The following GABRA2 variants were observed in gnomAD, a reference collection of about 807,000 sequenced individuals.
GABRA2 encodes gamma-aminobutyric acid type A receptor subunit alpha2.
Under a neutral mutation model 48.7 loss-of-function variants are expected in GABRA2, and 16 were observed. The observed-to-expected ratio is 0.33, with a 90% CI of 0.22 to 0.50. The LOEUF (loss-of-function observed/expected upper bound fraction) is 0.50, where lower values mean the gene tolerates loss of function less well. Among genes scored for constraint, GABRA2 ranks in the 20% least tolerant of loss-of-function variants. The pLI, the probability that GABRA2 is intolerant of heterozygous loss-of-function variation, is 0.98. For missense variants in GABRA2, 275 were observed against 535.6 expected, an observed-to-expected ratio of 0.51 and a Z score of 4.80; for synonymous variants, 185 against 184.5, an observed-to-expected ratio of 1.00 and a Z score of -0.02.
chr4:46,330,570 A>T (rs936482531), intron 4 of GABRA2, among the ~76,000 whole-genome samples: 1 of 24,780 alleles, frequency 4.0e-5, no homozygotes. Flanking sequence ...ATGCATATAT[A>T]TATATATATA....
chr4:46,276,055 G>A (rs966121640), intron 8 of GABRA2, among the ~76,000 whole-genome samples: 7 of 151,950 alleles, frequency 4.6e-5, no homozygotes, highest in African/African-American at 1.7e-4. Context: ...ATTTCTTAAA[G>A]CTTAAATGAA....
intron 9 of GABRA2, among the ~76,000 whole-genome samples, chr4:46,257,306 G>T (rs1485530710): frequency 6.6e-6 from 1 of 151,670 alleles, no homozygotes; most frequent in Non-Finnish European, 1.5e-5. Flanking sequence ...TTGTCAGTTA[G>T]CAGCAGAAGA....
At chr4:46,373,279 G>T (rs1578206179) in intron 3 of GABRA2, among the ~76,000 whole-genome samples, 2 of 152,192 alleles carry the variant, frequency 1.3e-5, no homozygotes, top group East Asian at 3.9e-4. Context: ...AATCCTAAAT[G>T]ACCCTCCCTG....
intron 8 of GABRA2, among the ~76,000 whole-genome samples, chr4:46,269,327 T>C (rs776371987): frequency 2.6e-5 from 4 of 151,702 alleles, no homozygotes; most frequent in Non-Finnish European, 4.4e-5. Context: ...TATGTGTCAA[T>C]AGAGAATAAA....
chr4:46,271,786 C>T (rs895674754), intron 8 of GABRA2, among the ~76,000 whole-genome samples: 1 of 151,808 alleles, frequency 6.6e-6, no homozygotes, highest in Non-Finnish European at 1.5e-5. Flanking sequence ...ACTCGTATCC[C>T]TCTCCTCACT....
Position 46,248,177 on chromosome 4 carries a change from C to T in GABRA2, c.*2131G>A, listed in dbSNP as rs964506474. ...TATAAATTTATAACTTATAGTCAGA[C>T]ATTAAGGGGGCAATGCGGACTTTAC... is the stretch of plus-strand genomic sequence containing the variant. On this transcript the variant is annotated 3_prime_UTR_variant, in exon 10 of 10. Coordinates refer to ENST00000381620, the MANE Select transcript of GABRA2 (RefSeq NM_000807.4). 6.6e-6 allele frequency among the ~76,000 whole-genome samples: 1 copy of T among 151,168 alleles called. No homozygotes were observed. The highest frequency in any genetic ancestry group is 1.5e-5 in the Non-Finnish European group (1 of 67,494).
chr4:46,292,352 G>A (rs776599223), intron 8 of GABRA2, among the ~76,000 whole-genome samples: 9 of 152,050 alleles, frequency 5.9e-5, no homozygotes, highest in Non-Finnish European at 8.8e-5. Flanking sequence ...TATCATGCAA[G>A]TGGCTGACCT....
At chr4:46,388,178 A>G (rs1055413928) in intron 2 of GABRA2, among the ~76,000 whole-genome samples, 5 of 152,096 alleles carry the variant, frequency 3.3e-5, no homozygotes, top group Non-Finnish European at 5.9e-5. Context: ...AGACTCACAC[A>G]TCTTTTGGGT....
At chr4:46,263,057 T>G (rs111928280) in intron 8 of GABRA2, among the ~76,000 whole-genome samples, 1 of 22,358 alleles carries the variant, frequency 4.5e-5, no homozygotes, top group Non-Finnish European at 7.9e-5. Context: ...GAATAGAATA[T>G]AAGACAAATA....
At chr4:46,303,164 G>T in intron 8 of GABRA2, 3 of 255,332 alleles carry the variant, frequency 1.2e-5, no homozygotes, top group African/African-American at 4.6e-5. Flanking sequence ...AAAAAAAAAA[G>T]AAAATTCACC....
chr4:46,280,515 T>C (rs981548124), intron 8 of GABRA2, among the ~76,000 whole-genome samples: 1 of 152,192 alleles, frequency 6.6e-6, no homozygotes, highest in Non-Finnish European at 1.5e-5. Flanking sequence ...CTTTGGCTTT[T>C]ACTTTGAGTA....
At chr4:46,354,501 G>A (rs1735658477) in intron 3 of GABRA2, among the ~76,000 whole-genome samples, 1 of 152,098 alleles carries the variant, frequency 6.6e-6, no homozygotes, top group South Asian at 2.1e-4. Flanking sequence ...GAACAAGGGT[G>A]AATTTTAATT....
At chr4:46,345,694 A>C (rs1043470787) in intron 3 of GABRA2, among the ~76,000 whole-genome samples, 2 of 151,814 alleles carry the variant, frequency 1.3e-5, no homozygotes, top group African/African-American at 4.8e-5. Context: ...TCCCTCTTCT[A>C]GTCCCTCCTG....
intron 8 of GABRA2, among the ~76,000 whole-genome samples, chr4:46,294,339 G>C (rs1724237488): frequency 6.6e-6 from 1 of 152,120 alleles, no homozygotes; most frequent in Non-Finnish European, 1.5e-5. Context: ...AATTTCTAGG[G>C]GTCCAGTATT....
chr4:46,370,578 T>C (rs1357249842), intron 3 of GABRA2, among the ~76,000 whole-genome samples: 1 of 152,080 alleles, frequency 6.6e-6, no homozygotes, highest in African/African-American at 2.4e-5. Context: ...GAAATATAAT[T>C]TGATGCATTC....
At chr4:46,337,341 A>G (rs1732430550) in intron 3 of GABRA2, among the ~76,000 whole-genome samples, 1 of 152,100 alleles carries the variant, frequency 6.6e-6, no homozygotes, top group Non-Finnish European at 1.5e-5. Flanking sequence ...TCCTTTGTGC[A>G]AAAGTCAAGT....
At chr4:46,286,477 G>A (rs1722563518) in intron 8 of GABRA2, among the ~76,000 whole-genome samples, 2 of 151,900 alleles carry the variant, frequency 1.3e-5, no homozygotes, top group Admixed American at 1.3e-4. Context: ...AGGTAGAATT[G>A]CAGGGTCTTA....
chr4:46,345,160 T>A lies in GABRA2; in HGVS notation c.188-12478A>T, dbSNP rs956261225. Among the ~76,000 whole-genome samples, 3 of 151,888 alleles carry A rather than the reference T, an allele frequency of 2.0e-5. No individual in the cohort carries two copies. In the East Asian group the frequency reaches 5.8e-4, roughly 30 times the overall value. On this transcript the variant is annotated intron_variant, in intron 3 of 9. Coordinates refer to ENST00000381620, the MANE Select transcript of GABRA2 (RefSeq NM_000807.4). ...GTTCACACTCTCTCACCTGCTACCA[T>A]GTAAGATGTGCCTCTTCCCCTTCCA...
rs936497978 is a variant in GABRA2, at chr4:46,248,313, T to C, written c.*1995A>G. The C allele has an allele frequency of 1.3e-5, 2 of 151,378 alleles. No homozygotes were observed. The highest frequency in any genetic ancestry group is 1.5e-5 in the Non-Finnish European group (1 of 67,562). 9.4% of individuals were successfully genotyped at this position (151,378 alleles called of 1,614,324 possible). ...TACAATTGCACACATCCCTAAACTATACAGAAGAGCTATGCTATATTTAAA... is the reference window on the plus strand; with the variant it reads ...TACAATTGCACACATCCCTAAACTACACAGAAGAGCTATGCTATATTTAAA... On this transcript the variant is annotated 3_prime_UTR_variant, in exon 10 of 10. Coordinates refer to ENST00000381620, the MANE Select transcript of GABRA2 (RefSeq NM_000807.4).
Sources: gnomAD v4.1 joint callset for allele counts (sites outside exome capture counted in the v4.1 genomes callset) on GRCh38, gnomAD v4.1.1 for gene constraint, MANE v1.5 for transcripts, NCBI Gene and HGNC (gene_info 2026-07-23, HGNC 2026-07-21) for gene names.